MYH10: variants seen among roughly 807,000 people sequenced by gnomAD.
MYH10 encodes myosin-10.
In MYH10, 55 loss-of-function variants were observed where a neutral mutation model predicts 257.8. The ratio of observed to expected loss-of-function variants is 0.21; its 90% CI spans 0.17 to 0.27. The LOEUF (loss-of-function observed/expected upper bound fraction) is 0.27. Among genes scored for constraint, MYH10 ranks in the 10% least tolerant of loss-of-function variants. The pLI is 1.00. For missense variants in MYH10, 1,631 were observed against 2,500.6 expected (o/e 0.65, Z 7.42); for synonymous variants, 854 against 921.7 (o/e 0.93, Z 1.33).
At chr17:8,592,195 T>C (rs1248107519) in intron 3 of MYH10, among the ~76,000 whole-genome samples, 1 of 152,190 alleles carries the variant, frequency 6.6e-6, no homozygotes, top group Non-Finnish European at 1.5e-5. Context: ...AATCAAATCA[T>C]TTTCTAAACA....
At chr17:8,524,449 CAAAAAAAAAAAAAAA>C (rs541255427) in intron 17 of MYH10, among the ~76,000 whole-genome samples, 61 of 62,164 alleles carry the variant, frequency 9.8e-4, no homozygotes, top group Non-Finnish European at 1.5e-3. Context: ...GACTCTGTCT[CAAAAAAAAAAAAAAA>C]AAAAAAAAAA....
At chr17:8,608,181 A>C (rs2084885163) in intron 2 of MYH10, among the ~76,000 whole-genome samples, 1 of 152,222 alleles carries the variant, frequency 6.6e-6, no homozygotes, top group African/African-American at 2.4e-5. Context: ...GAGGTATTGA[A>C]GGTTCAGGAG....
intron 26 of MYH10, 110 bp downstream of exon 26, chr17:8,508,444 T>C: frequency 4.8e-6 from 7 of 1,466,018 alleles, no homozygotes; most frequent in Non-Finnish European, 4.6e-6. Flanking sequence ...TGAAGGTCCT[T>C]ATTATTAGTA....
intron 3 of MYH10, among the ~76,000 whole-genome samples, chr17:8,589,452 C>T (rs1033717669): frequency 1.3e-5 from 2 of 152,298 alleles, no homozygotes; most frequent in East Asian, 1.9e-4. Flanking sequence ...TTTCCTGGCA[C>T]TCCACCTCAC....
At chr17:8,619,997 A>G (rs35195871) in intron 2 of MYH10, among the ~76,000 whole-genome samples, 36,499 of 152,114 alleles carry the variant, frequency 0.24, 5,380 homozygotes, top group Admixed American at 0.35. Flanking sequence ...ATAAACCACA[A>G]TGGGAGATTT....
Position 8,535,077 on chromosome 17 carries a change from C to T in MYH10, c.1894+310G>A, listed in dbSNP as rs1000486235. ...TTCTCGGGTTTTGTGTTCCAGTGTT[C>T]CTGGATTACAACTGACTTGGGACTG... On this transcript the variant is annotated intron_variant, in intron 16 of 42. Coordinates refer to ENST00000360416, the MANE Select transcript of MYH10 (RefSeq NM_001256012.3). This position sits in a 1 kb window ranked among gnomAD's most constrained non-coding sequence, Gnocchi z 4.3. 6.6e-6 allele frequency among the ~76,000 whole-genome samples: 1 copy of T among 152,076 alleles called. No homozygotes were observed. The highest frequency in any genetic ancestry group is 1.5e-5 in the Non-Finnish European group (1 of 68,006).
At chr17:8,516,458 A>G (rs2151892770) in intron 21 of MYH10, among the ~76,000 whole-genome samples, 1 of 152,322 alleles carries the variant, frequency 6.6e-6, no homozygotes, top group African/African-American at 2.4e-5. Flanking sequence ...TAAAATATTG[A>G]GGGGCAGGGG....
rs768545099 is a variant in MYH10, at chr17:8,504,666, C to T, written c.3599+28G>A. 15 of 1,602,118 alleles carry T rather than the reference C, an allele frequency of 9.4e-6. No homozygotes were observed. Among genetic ancestry groups the T allele is most frequent in the South Asian group, 5.5e-5 (5 of 90,644 alleles). ...CTCGGTGGAGAGGTCGGCAGGCGCC[C>T]GGGCCCTGCTTCCTCTCCCACACTC... On this transcript the variant is annotated intron_variant, in intron 28 of 42. Coordinates refer to ENST00000360416, the MANE Select transcript of MYH10 (RefSeq NM_001256012.3). The surrounding 1 kb of genome is among the most constrained non-coding windows in gnomAD (Gnocchi z 5.6).
chr17:8,587,290 G>A, intron 4 of MYH10, among the ~76,000 whole-genome samples: 1 of 152,164 alleles, frequency 6.6e-6, no homozygotes, highest in East Asian at 1.9e-4. Context: ...GAACCGTGCT[G>A]ATTTGAGCCA....
intron 2 of MYH10, among the ~76,000 whole-genome samples, chr17:8,620,379 G>T (rs1164252419): frequency 6.6e-6 from 1 of 152,050 alleles, no homozygotes; most frequent in Non-Finnish European, 1.5e-5. Context: ...ACTACATATA[G>T]AAACTTGTGA....
chr17:8,550,081 C>T (rs1230927420), intron 9 of MYH10, among the ~76,000 whole-genome samples: 1 of 149,846 alleles, frequency 6.7e-6, no homozygotes, highest in East Asian at 2.0e-4. Context: ...CCCAAAGTGC[C>T]GAGATTGCAG....
intron 7 of MYH10, among the ~76,000 whole-genome samples, chr17:8,568,796 GA>G (rs1190192502): frequency 2.0e-5 from 3 of 152,002 alleles, no homozygotes; most frequent in Non-Finnish European, 4.4e-5. Context: ...AGCTGGGGTG[GA>G]AAGGGGCAGT....
intron 4 of MYH10, among the ~76,000 whole-genome samples, chr17:8,582,721 A>C (rs1455876222): frequency 3.3e-5 from 5 of 152,266 alleles, no homozygotes; most frequent in Non-Finnish European, 5.9e-5. Context: ...AAAAAACAAC[A>C]GCCTAAAGAA....
chr17:8,567,437 G>C (rs1160276230), intron 7 of MYH10, among the ~76,000 whole-genome samples: 4 of 152,174 alleles, frequency 2.6e-5, no homozygotes, highest in Non-Finnish European at 5.9e-5. Context: ...CTTGGAAAGC[G>C]TCTTGCACTG....
rs1567872245 is a variant in MYH10, at chr17:8,542,233, C to T, written c.1479G>A (p.Leu493=). 3 of 1,614,144 alleles carry T rather than the reference C, an allele frequency of 1.9e-6. No individual in the cohort carries two copies. The highest frequency in any genetic ancestry group is 1.7e-6 in the Non-Finnish European group (2 of 1,180,024). Residue 493 remains leucine, a synonymous_variant, in exon 14 of 43, where the codon CTG becomes CTA. Transcript: ENST00000360416. ...ACATGGTGTGGTTGAACAGCTGCTGCAGCTTCTCATTGGTGTAGTTGATGC... is the reference window on the plus strand; with the variant it reads ...ACATGGTGTGGTTGAACAGCTGCTGTAGCTTCTCATTGGTGTAGTTGATGC... ...QLCINYTNEK[L]QQLFNHTMFI... is the part of the protein sequence containing the mutation.
intron 24 of MYH10, among the ~76,000 whole-genome samples, chr17:8,511,539 A>G (rs1002583270): frequency 6.6e-6 from 1 of 152,200 alleles, no homozygotes; most frequent in African/African-American, 2.4e-5. Flanking sequence ...ACAAAAAAAC[A>G]AAAACAAAAA....
chr17:8,542,024 G>T, intron 14 of MYH10, 83 bp downstream of exon 14: 1 of 1,335,784 alleles, frequency 7.5e-7, no homozygotes, highest in Non-Finnish European at 1.0e-6. Flanking sequence ...GAACAGACTG[G>T]GTAATTTCTG....
At chr17:8,583,339 T>C (rs2083778075) in intron 4 of MYH10, among the ~76,000 whole-genome samples, 1 of 152,196 alleles carries the variant, frequency 6.6e-6, no homozygotes, top group African/African-American at 2.4e-5. Flanking sequence ...CCCAAAGTTT[T>C]AGGACTTGAG....
chr17:8,492,527 G>C lies in MYH10; in HGVS notation c.4459-18C>G, dbSNP rs2151819446. ...GCTAACAGCTGTGCAGAAGGGGATG[G>C]GGGAATACGAAAAACCGAAACAGTG... On this transcript the variant is annotated intron_variant, in intron 33 of 42. Coordinates refer to ENST00000360416, the MANE Select transcript of MYH10 (RefSeq NM_001256012.3). 6.3e-7 allele frequency: 1 copy of C among 1,591,440 alleles called. No individual in the cohort carries two copies. The highest frequency in any genetic ancestry group is 8.6e-7 in the Non-Finnish European group (1 of 1,168,958).
Sources: allele counts gnomAD v4.1 joint callset (sites outside exome capture counted in the v4.1 genomes callset), GRCh38; gene constraint gnomAD v4.1.1; non-coding constraint Gnocchi (gnomAD v3.1); transcripts MANE v1.5; gene names NCBI Gene and HGNC (gene_info 2026-07-23, HGNC 2026-07-21).